The following CRPPA variants were observed in gnomAD, a reference collection of about 807,000 sequenced individuals.
The protein encoded by CRPPA is D-ribitol-5-phosphate cytidylyltransferase.
Under a neutral mutation model 52.0 loss-of-function variants are expected in CRPPA, and 43 were observed. The ratio of observed to expected loss-of-function variants is 0.83; its 90% CI spans 0.65 to 1.07. The LOEUF (loss-of-function observed/expected upper bound fraction) is 1.07. Ranked by LOEUF, CRPPA falls within the 50% of genes least tolerant of loss-of-function variation. CRPPA has a pLI of 0.00. For synonymous variants in CRPPA, 250 were observed against 203.5 expected (o/e 1.23, Z -1.94); for missense variants, 629 against 551.7 (o/e 1.14, Z -1.40).
chr7:16,213,648 C>T (rs1411097579), intron 9 of CRPPA, among the ~76,000 whole-genome samples: 1 of 151,432 alleles, frequency 6.6e-6, no homozygotes, highest in Non-Finnish European at 1.5e-5. Flanking sequence ...ACTTGAGAGG[C>T]TGTGGCAGGA....
chr7:16,348,924 G>T (rs1331923404), intron 3 of CRPPA, among the ~76,000 whole-genome samples: 1 of 152,160 alleles, frequency 6.6e-6, no homozygotes, highest in African/African-American at 2.4e-5. Flanking sequence ...AGTCAATGGG[G>T]CTTTGTATTC....
chr7:16,248,609 A>G (rs1783345933), intron 8 of CRPPA, among the ~76,000 whole-genome samples: 1 of 152,190 alleles, frequency 6.6e-6, no homozygotes, highest in Non-Finnish European at 1.5e-5. Flanking sequence ...AGATGGCTGA[A>G]TAGGAACAGC....
In CRPPA at chr7:16,087,571, A is replaced by G. The variant is rs1023867663; in HGVS notation, c.*4124T>C. On this transcript the variant is annotated 3_prime_UTR_variant, in exon 10 of 10. Transcript: ENST00000407010. ...TATTTACATTTTGTTTTGTAAAAAC[A>G]ACATATTTAGAATCTTTATAGTACT... 4 of 151,908 alleles carry G rather than the reference A, an allele frequency of 2.6e-5. No homozygotes were observed. The highest frequency in any genetic ancestry group is 2.6e-4 in the Admixed American group (4 of 15,252). The allele number at this position is 151,908 out of a possible 1,614,324, so 9.4% of individuals were successfully genotyped here.
chr7:16,157,965 C>G (rs982709108), intron 9 of CRPPA, among the ~76,000 whole-genome samples: 1 of 152,018 alleles, frequency 6.6e-6, no homozygotes, highest in East Asian at 1.9e-4. Flanking sequence ...ACCTCCACCT[C>G]GGGGAATCAA....
chr7:16,286,562 A>ATCAATGGATGC (rs72323274), intron 5 of CRPPA, among the ~76,000 whole-genome samples: 16 of 151,782 alleles, frequency 1.1e-4, no homozygotes, highest in African/African-American at 2.4e-4. Flanking sequence ...TTACTCATCA[A>ATCAATGGATGC]TTCCTACCAA....
intron 9 of CRPPA, among the ~76,000 whole-genome samples, chr7:16,117,066 T>C (rs960743274): frequency 3.3e-5 from 5 of 152,182 alleles, no homozygotes; most frequent in Non-Finnish European, 7.4e-5. Context: ...GACTTCCACA[T>C]GTATTTTTCT....
chr7:16,184,987 A>T (rs953648072), intron 9 of CRPPA, among the ~76,000 whole-genome samples: 1 of 152,194 alleles, frequency 6.6e-6, no homozygotes, highest in Non-Finnish European at 1.5e-5. Context: ...TGAAAACTTA[A>T]ATGGGATAGA....
chr7:16,089,423 A>G lies in CRPPA; in HGVS notation c.*2272T>C, dbSNP rs1315754856. On this transcript the variant is annotated 3_prime_UTR_variant, in exon 10 of 10. Coordinates refer to ENST00000407010, the MANE Select transcript of CRPPA (RefSeq NM_001101426.4). ...ATAATGTGTATATATGTACGTACAT[A>G]CATATATGTGTATATATGTACGTGC... The G allele has an allele frequency of 6.2e-6, 2 of 320,450 alleles. No individual in the cohort carries two copies. The highest frequency in any genetic ancestry group is 1.4e-5 in the Non-Finnish European group (2 of 143,176). The allele number at this position is 320,450 out of a possible 1,614,324, so 19.9% of individuals were successfully genotyped here.
intron 3 of CRPPA, among the ~76,000 whole-genome samples, chr7:16,322,741 A>AC (rs1785289030): frequency 6.6e-6 from 1 of 152,170 alleles, no homozygotes; most frequent in African/African-American, 2.4e-5. Context: ...TATTCCATAT[A>AC]AGTTCCACAA....
intron 9 of CRPPA, among the ~76,000 whole-genome samples, chr7:16,205,334 T>G (rs1358591022): frequency 2.0e-5 from 3 of 152,180 alleles, no homozygotes; most frequent in Non-Finnish European, 4.4e-5. Context: ...TGGCAAAGCC[T>G]GGTGTTCTCA....
At chr7:16,401,577 G>T (rs759882396) in intron 2 of CRPPA, among the ~76,000 whole-genome samples, 6 of 152,186 alleles carry the variant, frequency 3.9e-5, no homozygotes, top group Admixed American at 3.9e-4. Context: ...AGGTTGCTTT[G>T]TTGATGCAGT....
chr7:16,227,018 T>C (rs1371066624), intron 8 of CRPPA, among the ~76,000 whole-genome samples: 2 of 151,962 alleles, frequency 1.3e-5, no homozygotes, highest in Non-Finnish European at 2.9e-5. Flanking sequence ...CCTGGCTTAC[T>C]TCACTTAATA....
At chr7:16,163,902 C>A (rs867527203) in intron 9 of CRPPA, among the ~76,000 whole-genome samples, 15 of 152,306 alleles carry the variant, frequency 9.8e-5, no homozygotes, top group African/African-American at 2.6e-4. Flanking sequence ...GTCTGATGGG[C>A]TTTCCTTTGT....
intron 3 of CRPPA, among the ~76,000 whole-genome samples, chr7:16,333,336 T>C (rs572831866): frequency 7.9e-5 from 12 of 152,192 alleles, no homozygotes; most frequent in Non-Finnish European, 1.6e-4. Flanking sequence ...CAGACTCATA[T>C]GAAGCATTCA....
At chr7:16,094,511 T>C (rs1781896944) in intron 9 of CRPPA, among the ~76,000 whole-genome samples, 1 of 152,064 alleles carries the variant, frequency 6.6e-6, no homozygotes, top group South Asian at 2.1e-4. Context: ...TTTTAATCCT[T>C]GAGGAGAGTG....
At chr7:16,309,765 T>C (rs886401105) in intron 3 of CRPPA, among the ~76,000 whole-genome samples, 1 of 152,136 alleles carries the variant, frequency 6.6e-6, no homozygotes, top group Non-Finnish European at 1.5e-5. Flanking sequence ...CAAAGCTATT[T>C]TATTATCCTT....
chr7:16,104,959 C>T (rs1782121859), intron 9 of CRPPA, among the ~76,000 whole-genome samples: 1 of 151,188 alleles, frequency 6.6e-6, no homozygotes, highest in Admixed American at 6.6e-5. Flanking sequence ...CTTATTTTAT[C>T]ATCAAAACTG....
In CRPPA at chr7:16,189,317, C is replaced by G. The variant is rs377748295; in HGVS notation, c.1251+26749G>C. On this transcript the variant is annotated intron_variant, in intron 9 of 9. Transcript: ENST00000407010. ...CATCACAGAACTGGGTTGGGCACAG[C>G]AGAGCCATTTTGCTGTAACCCAATC... Among the ~76,000 whole-genome samples the G allele has an allele frequency of 2.6e-5, 4 of 152,182 alleles. No individual in the cohort carries two copies. In the East Asian group the frequency reaches 5.8e-4, roughly 22 times the overall value.
In CRPPA at chr7:16,089,616, C is replaced by A. The variant is rs1781793713; in HGVS notation, c.*2079G>T. On this transcript the variant is annotated 3_prime_UTR_variant, in exon 10 of 10. Transcript: ENST00000407010. ...ATATACATATATATGGGTATACATA[C>A]ATGTATATGTATGTATGTATTTTTT... is the stretch of plus-strand genomic sequence containing the variant. The A allele has an allele frequency of 4.7e-6, 1 of 214,104 alleles. No individual in the cohort carries two copies. 13.3% of individuals were successfully genotyped at this position (214,104 alleles called of 1,614,324 possible).
Sources: gnomAD v4.1 joint callset for allele counts (sites outside exome capture counted in the v4.1 genomes callset) on GRCh38, gnomAD v4.1.1 for gene constraint, MANE v1.5 for transcripts, NCBI Gene and HGNC (gene_info 2026-07-23, HGNC 2026-07-21) for gene names.